The following SEC11A variants were observed in gnomAD, a reference collection of about 807,000 sequenced individuals.
SEC11A encodes the protein SEC11 homolog A, signal peptidase complex subunit, also known as signal peptidase complex catalytic subunit SEC11A.
In SEC11A, 14 loss-of-function variants were observed where a neutral mutation model predicts 25.6. The observed-to-expected ratio is 0.55, with a 90% CI of 0.36 to 0.85. SEC11A has a LOEUF of 0.85. SEC11A is among the 40% of genes least tolerant of loss of function. SEC11A has a pLI of 0.01. For missense variants in SEC11A, 153 were observed against 222.9 expected (o/e 0.69, Z 2.00); for synonymous variants, 83 against 76.4 (o/e 1.09, Z -0.45).
At chr15:84,673,267 T>C (rs949448629) in intron 4 of SEC11A, 6 of 211,134 alleles carry the variant, frequency 2.8e-5, no homozygotes, top group East Asian at 3.2e-4. Context: ...CAACAGCTCA[T>C]TGAGAACGGG....
intron 1 of SEC11A, among the ~76,000 whole-genome samples, chr15:84,703,818 A>C (rs1701283050): frequency 6.6e-6 from 1 of 152,222 alleles, no homozygotes; most frequent in East Asian, 1.9e-4. Flanking sequence ...CGTATATAGA[A>C]TATGAAGATA....
chr15:84,710,407 G>C (rs759435447), intron 1 of SEC11A, among the ~76,000 whole-genome samples: 3 of 152,192 alleles, frequency 2.0e-5, no homozygotes, highest in Non-Finnish European at 4.4e-5. Context: ...GCCAAGGCAG[G>C]CGGATCACTT....
At chr15:84,715,733 C>T (rs1200476821) in intron 1 of SEC11A, among the ~76,000 whole-genome samples, 1 of 152,220 alleles carries the variant, frequency 6.6e-6, no homozygotes, top group Non-Finnish European at 1.5e-5. Flanking sequence ...GCAACCCCAA[C>T]TCCCACTTCA....
chr15:84,698,668 C>A (rs756347448), intron 1 of SEC11A, among the ~76,000 whole-genome samples: 14 of 152,104 alleles, frequency 9.2e-5, no homozygotes, highest in Non-Finnish European at 1.9e-4. Context: ...TCTGTTAAAT[C>A]TTTTAAAATC....
At chr15:84,690,034 C>G (rs1897556760) in intron 2 of SEC11A, among the ~76,000 whole-genome samples, 1 of 152,040 alleles carries the variant, frequency 6.6e-6, no homozygotes, top group Non-Finnish European at 1.5e-5. Flanking sequence ...GTTGGGAGGC[C>G]AAGGTGGGAG....
At chr15:84,683,404 C>T (rs1897328514) in intron 3 of SEC11A, among the ~76,000 whole-genome samples, 1 of 151,996 alleles carries the variant, frequency 6.6e-6, no homozygotes, top group Non-Finnish European at 1.5e-5. Flanking sequence ...AACAAACAAA[C>T]AAACAAACAA....
At chr15:84,676,039 A>C (rs1897124021) in intron 4 of SEC11A, among the ~76,000 whole-genome samples, 1 of 152,158 alleles carries the variant, frequency 6.6e-6, no homozygotes, top group African/African-American at 2.4e-5. Flanking sequence ...ACTGAGTTTT[A>C]TTTTTGGGGT....
At chr15:84,680,510 C>T (rs745652516) in intron 4 of SEC11A, among the ~76,000 whole-genome samples, 11 of 152,016 alleles carry the variant, frequency 7.2e-5, no homozygotes, top group Non-Finnish European at 1.2e-4. Flanking sequence ...TTTATTGCAC[C>T]CCACCCAGTT....
At chr15:84,679,249 G>C (rs1897222030) in intron 4 of SEC11A, 1 of 1,258,820 alleles carries the variant, frequency 7.9e-7, no homozygotes, top group African/African-American at 1.5e-5. Flanking sequence ...TGGGAACTGA[G>C]GAAGATGGGG....
intron 3 of SEC11A, among the ~76,000 whole-genome samples, chr15:84,681,447 T>A (rs981355745): frequency 2.6e-5 from 4 of 151,962 alleles, no homozygotes; most frequent in African/African-American, 9.7e-5. Context: ...CTGGCCAACA[T>A]GGCGAAACCC....
intron 1 of SEC11A, among the ~76,000 whole-genome samples, chr15:84,706,057 G>A (rs915796253): frequency 1.3e-5 from 2 of 151,430 alleles, no homozygotes; most frequent in African/African-American, 2.4e-5. Context: ...ACAGGTGCCC[G>A]CCACAATGTC....
At chr15:84,686,278 A>G (rs1897419458) in intron 3 of SEC11A, among the ~76,000 whole-genome samples, 1 of 152,222 alleles carries the variant, frequency 6.6e-6, no homozygotes, top group South Asian at 2.1e-4. Flanking sequence ...GTTTATAGGA[A>G]TTTCAAAAAG....
chr15:84,677,083 T>C (rs1245507281), intron 4 of SEC11A, among the ~76,000 whole-genome samples: 1 of 151,756 alleles, frequency 6.6e-6, no homozygotes, highest in African/African-American at 2.4e-5. Flanking sequence ...AGAGTGAGAC[T>C]CTGTCTCAAG....
At chr15:84,696,959 G>A (rs1240555482) in intron 1 of SEC11A, among the ~76,000 whole-genome samples, 2 of 151,596 alleles carry the variant, frequency 1.3e-5, no homozygotes, top group African/African-American at 2.4e-5. Context: ...AAGGTGGGAG[G>A]ACTGCTTGAG....
chr15:84,715,025 AT>A (rs1898414907), intron 1 of SEC11A, among the ~76,000 whole-genome samples: 1 of 152,182 alleles, frequency 6.6e-6, no homozygotes, highest in Non-Finnish European at 1.5e-5. Flanking sequence ...CGTTTGCGCA[AT>A]TTTTATAGAA....
intron 1 of SEC11A, among the ~76,000 whole-genome samples, chr15:84,711,024 C>T (rs940658201): frequency 1.3e-5 from 2 of 149,502 alleles, no homozygotes; most frequent in African/African-American, 2.5e-5. Context: ...GAGCCGAGGT[C>T]GAGCCATTGC....
At position 84,688,019 on chromosome 15, in the gene SEC11A, AAAGAAG is replaced by A. The variant is rs531069801; in HGVS notation, c.162-251_162-246del. Among the ~76,000 whole-genome samples, 705 of 152,342 alleles carry A rather than the reference AAAGAAG, an allele frequency of 4.6e-3. 4 individuals carry two copies. Among genetic ancestry groups the A allele is most frequent in the African/African-American group, 0.016 (679 of 41,582 alleles). ...AGTTCCATTTCAAGTATCACTAGTC[AAAGAAG>A]CTTAAATCTTGAAAAGGTCAGTGTT... On this transcript the variant is annotated intron_variant, in intron 2 of 5. Transcript: ENST00000268220.
At chr15:84,688,945 C>A (rs1439956240) in intron 2 of SEC11A, among the ~76,000 whole-genome samples, 1 of 150,588 alleles carries the variant, frequency 6.6e-6, no homozygotes, top group Non-Finnish European at 1.5e-5. Context: ...GCAGAAGAAT[C>A]ACTTGAACCC....
In SEC11A at chr15:84,675,291, G is replaced by T. The variant is rs142945067; in HGVS notation, c.432-4509C>A. On this transcript the variant is annotated intron_variant, in intron 4 of 5. Coordinates refer to ENST00000268220, the MANE Select transcript of SEC11A (RefSeq NM_014300.4). The stretch of plus-strand genomic sequence containing the variant: ...AATACATTTCCGTGGGAATTCTTGG[G>T]ATCAAAGGTACTGCTGAGGAAGTAG... Among the ~76,000 whole-genome samples the T allele has an allele frequency of 1.1e-3, 164 of 152,252 alleles. 1 individual carries two copies. Among genetic ancestry groups the T allele is most frequent in the African/African-American group, 3.9e-3 (161 of 41,538 alleles).
Sources: allele counts gnomAD v4.1 joint callset (sites outside exome capture counted in the v4.1 genomes callset), GRCh38; gene constraint gnomAD v4.1.1; transcripts MANE v1.5; gene names NCBI Gene and HGNC (gene_info 2026-07-23, HGNC 2026-07-21).